Variants in KCNK1 observed in about 807,000 individuals in gnomAD.
The protein encoded by KCNK1 is potassium channel subfamily K member 1.
In KCNK1, 10 loss-of-function variants were observed where a neutral mutation model predicts 22.2. The ratio of observed to expected loss-of-function variants is 0.45; its 90% CI spans 0.28 to 0.76. KCNK1 has a LOEUF of 0.76. Among genes scored for constraint, KCNK1 ranks in the 30% least tolerant of loss-of-function variants. The probability of loss-of-function intolerance (pLI) is 0.14; values close to 1 mark genes in which losing one functional copy is unlikely to be tolerated. For missense variants in KCNK1, 378 were observed against 421.0 expected (o/e 0.90, Z 0.89); for synonymous variants, 200 against 186.4 (o/e 1.07, Z -0.60).
At chr1:233,641,589 G>T (rs546893252) in intron 1 of KCNK1, among the ~76,000 whole-genome samples, 1 of 152,160 alleles carries the variant, frequency 6.6e-6, no homozygotes, top group Non-Finnish European at 1.5e-5. Flanking sequence ...CACTTAACAC[G>T]GCAGGGTCCT....
chr1:233,615,075 C>A (rs1657464199), intron 1 of KCNK1, among the ~76,000 whole-genome samples: 1 of 152,210 alleles, frequency 6.6e-6, no homozygotes. Context: ...CACAGATATT[C>A]CAGCTCTTTT....
chr1:233,650,285 C>CATTCA (rs1558116251), intron 1 of KCNK1, among the ~76,000 whole-genome samples: 1 of 152,168 alleles, frequency 6.6e-6, no homozygotes, highest in Non-Finnish European at 1.5e-5. Flanking sequence ...TTCTAAACTA[C>CATTCA]AGAGTGGCCA....
At chr1:233,647,995 G>A (rs1472788362) in intron 1 of KCNK1, among the ~76,000 whole-genome samples, 1 of 152,140 alleles carries the variant, frequency 6.6e-6, no homozygotes, top group Non-Finnish European at 1.5e-5. Context: ...CTTATAGCCT[G>A]GGAGTTTGTG....
At chr1:233,663,338 T>C (rs1014020353) in intron 1 of KCNK1, among the ~76,000 whole-genome samples, 1 of 152,216 alleles carries the variant, frequency 6.6e-6, no homozygotes, top group African/African-American at 2.4e-5. Context: ...ATGCCATTAC[T>C]GCAGAGAGAG....
In KCNK1 at chr1:233,635,907, G is replaced by A. The variant is rs564619686; in HGVS notation, c.355+21381G>A. 9.2e-5 allele frequency among the ~76,000 whole-genome samples: 14 copies of A among 152,310 alleles called. No individual in the cohort carries two copies. In the East Asian group the frequency reaches 1.2e-3, roughly 13 times the overall value. On this transcript the variant is annotated intron_variant, in intron 1 of 2. Coordinates refer to ENST00000366621, the MANE Select transcript of KCNK1 (RefSeq NM_002245.4). ...ATATAAGGTTTGCATTGAAGAGAAC[G>A]TTGATATTTTATATACAGTGACTTG...
At chr1:233,657,169 T>C (rs941120126) in intron 1 of KCNK1, among the ~76,000 whole-genome samples, 3 of 152,178 alleles carry the variant, frequency 2.0e-5, no homozygotes, top group African/African-American at 7.2e-5. Flanking sequence ...GAGTTTAATT[T>C]AGCTTGGTGA....
In KCNK1 at chr1:233,614,672, A is replaced by G. The variant is rs1657452428; in HGVS notation, c.355+146A>G. On this transcript the variant is annotated intron_variant, in intron 1 of 2. Coordinates refer to ENST00000366621, the MANE Select transcript of KCNK1 (RefSeq NM_002245.4). ...CGGCTCCTCCAGCCCGCCTCCCCTC[A>G]CTGTCCTCCCGACCCTCCGACCTTC... 5.2e-6 allele frequency: 3 copies of G among 578,720 alleles called. No homozygotes were observed. In the African/African-American group the frequency reaches 9.0e-5, roughly 17 times the overall value. The allele number at this position is 578,720 out of a possible 1,614,324, so 35.8% of individuals were successfully genotyped here.
At chr1:233,627,250 A>G (rs547934951) in intron 1 of KCNK1, among the ~76,000 whole-genome samples, 1 of 152,292 alleles carries the variant, frequency 6.6e-6, no homozygotes, top group East Asian at 1.9e-4. Context: ...ATTTCCCTCA[A>G]ATACTGTATT....
intron 1 of KCNK1, among the ~76,000 whole-genome samples, chr1:233,615,062 AT>A (rs1657464021): frequency 6.6e-6 from 1 of 152,218 alleles, no homozygotes; most frequent in Non-Finnish European, 1.5e-5. Flanking sequence ...CCTTTGGACC[AT>A]GCACAGATAT....
intron 1 of KCNK1, among the ~76,000 whole-genome samples, chr1:233,615,028 G>A (rs1224912404): frequency 6.6e-6 from 1 of 152,182 alleles, no homozygotes; most frequent in Non-Finnish European, 1.5e-5. Flanking sequence ...CCTTCTAAAG[G>A]GTCACCTTCC....
intron 1 of KCNK1, among the ~76,000 whole-genome samples, chr1:233,615,762 A>G (rs991527254): frequency 5.4e-5 from 8 of 148,260 alleles, no homozygotes; most frequent in African/African-American, 1.7e-4. Flanking sequence ...ATTATTGTGT[A>G]TAATTCCCTT....
At chr1:233,628,760 A>AATAATAATAATAAT (rs1657738099) in intron 1 of KCNK1, among the ~76,000 whole-genome samples, 3 of 148,728 alleles carry the variant, frequency 2.0e-5, no homozygotes, top group African/African-American at 7.7e-5. Flanking sequence ...ACTCTGTCTC[A>AATAATAATAATAAT]AATAATAATA....
intron 1 of KCNK1, among the ~76,000 whole-genome samples, chr1:233,639,458 C>G (rs1049997927): frequency 2.0e-5 from 3 of 152,178 alleles, no homozygotes; most frequent in African/African-American, 7.2e-5. Flanking sequence ...GGTTGATTTT[C>G]TGACTTTTAT....
In KCNK1 at chr1:233,637,977, A is replaced by G. The variant is rs533379594; in HGVS notation, c.355+23451A>G. ...AATTTATAGAAATGAATGCTTGACAATGTCGTGGGCTGTGGAAAAATGAAA... is the reference window on the plus strand; with the variant it reads ...AATTTATAGAAATGAATGCTTGACAGTGTCGTGGGCTGTGGAAAAATGAAA... On this transcript the variant is annotated intron_variant, in intron 1 of 2. Coordinates refer to ENST00000366621, the MANE Select transcript of KCNK1 (RefSeq NM_002245.4). 6.0e-4 allele frequency among the ~76,000 whole-genome samples: 87 copies of G among 144,334 alleles called. 4 individuals are homozygous for G. In the South Asian group the frequency reaches 0.019, roughly 32 times the overall value. 94.7% of individuals were successfully genotyped at this position (144,334 alleles called of 152,430 possible).
chr1:233,632,515 G>A (rs1035979319), intron 1 of KCNK1, among the ~76,000 whole-genome samples: 1 of 152,054 alleles, frequency 6.6e-6, no homozygotes, highest in Non-Finnish European at 1.5e-5. Context: ...AACAGTTCTT[G>A]TCAGGATTCA....
At chr1:233,624,912 G>A (rs935127060) in intron 1 of KCNK1, among the ~76,000 whole-genome samples, 9 of 152,126 alleles carry the variant, frequency 5.9e-5, no homozygotes, top group Non-Finnish European at 1.2e-4. Context: ...AATCACTTTT[G>A]CCCTCCTGGA....
chr1:233,643,463 A>G (rs952293485), intron 1 of KCNK1, among the ~76,000 whole-genome samples: 3 of 152,136 alleles, frequency 2.0e-5, no homozygotes, highest in African/African-American at 4.8e-5. Flanking sequence ...ATGAGCTTCT[A>G]TTGTGAGTGC....
At position 233,659,794 on chromosome 1, in the gene KCNK1, A is replaced by T. The variant is rs561005413; in HGVS notation, c.356-6801A>T. Among the ~76,000 whole-genome samples, 9 of 152,262 alleles carry T rather than the reference A, an allele frequency of 5.9e-5. No individual in the cohort carries two copies. In the South Asian group the frequency reaches 1.9e-3, roughly 32 times the overall value. The stretch of plus-strand genomic sequence containing the variant: ...ATTGACTGAAACGTCGTTATGTGGT[A>T]CATTGACTACACTGCCGGCAAGCTC... On this transcript the variant is annotated intron_variant, in intron 1 of 2. Coordinates refer to ENST00000366621, the MANE Select transcript of KCNK1 (RefSeq NM_002245.4).
At chr1:233,631,732 C>T (rs1657801654) in intron 1 of KCNK1, among the ~76,000 whole-genome samples, 1 of 152,162 alleles carries the variant, frequency 6.6e-6, no homozygotes, top group Non-Finnish European at 1.5e-5. Context: ...GCTGTGTGTT[C>T]CTAAAGAAAT....
Sources: allele counts gnomAD v4.1 joint callset (sites outside exome capture counted in the v4.1 genomes callset), GRCh38; gene constraint gnomAD v4.1.1; transcripts MANE v1.5; gene names NCBI Gene and HGNC (gene_info 2026-07-23, HGNC 2026-07-21).